The following CRYBG2 variants were observed in gnomAD, a reference collection of about 807,000 sequenced individuals.
The protein encoded by CRYBG2 is beta/gamma crystallin domain-containing protein 2.
Under a neutral mutation model 153.4 loss-of-function variants are expected in CRYBG2, and 106 were observed. The observed-to-expected ratio is 0.69, with a 90% confidence interval of 0.59 to 0.81. CRYBG2 has a LOEUF of 0.81. CRYBG2 is among the 30% of genes least tolerant of loss of function. The pLI is 0.00. For missense variants in CRYBG2, 1,996 were observed against 2,112.0 expected (o/e 0.95, Z 1.08); for synonymous variants, 851 against 877.8 (o/e 0.97, Z 0.54).
In CRYBG2 at chr1:26,324,302, A is replaced by C. The variant is rs769832095; in HGVS notation, c.4587T>G (p.Val1529=). 6.2e-7 allele frequency: 1 copy of C among 1,606,062 alleles called. No homozygotes were observed. The highest frequency in any genetic ancestry group is 8.5e-7 in the Non-Finnish European group (1 of 1,178,648). The change falls in exon 18 of 20, where the codon GTT becomes GTG. Residue 1529 remains valine, a synonymous_variant. Coordinates refer to ENST00000308182, the MANE Select transcript of CRYBG2 (RefSeq NM_001039775.4). ...GSLYPIKQRR[V]YFRLWNAALG... is the part of the protein sequence containing the mutation. ...GTGCTGCATTCCAGAGGCGGAAATAAACCCGGCGCTGGTGGCAGAAAGAGG... is the reference window on the plus strand; with the variant it reads ...GTGCTGCATTCCAGAGGCGGAAATACACCCGGCGCTGGTGGCAGAAAGAGG...
chr1:26,338,526 GAC>G (rs2074090785), intron 6 of CRYBG2, 49 bp from the exon 7 acceptor site: 1 of 1,521,518 alleles, frequency 6.6e-7, no homozygotes, highest in South Asian at 1.3e-5. Context: ...GACTTCAAGG[GAC>G]ACAGATTGGT....
At chr1:26,339,139 A>C in intron 6 of CRYBG2, 151 bp downstream of exon 6, 1 of 997,362 alleles carries the variant, frequency 1.0e-6, no homozygotes, top group South Asian at 1.7e-5. Flanking sequence ...TCACCCCAAA[A>C]CACTGAATTG....
chr1:26,327,121 G>C, intron 17 of CRYBG2: 1 of 311,250 alleles, frequency 3.2e-6, no homozygotes, highest in Non-Finnish European at 6.5e-6. Flanking sequence ...ATCACATGAG[G>C]TCAGGAGTTC....
chr1:26,337,409 G>T (rs539664416), intron 9 of CRYBG2, 30 bp from the exon 10 acceptor site: 12 of 1,610,390 alleles, frequency 7.5e-6, no homozygotes, highest in African/African-American at 4.0e-5. Flanking sequence ...AGACAGGCAG[G>T]TTCAGTCATA....
In CRYBG2 at chr1:26,346,348, G is replaced by A; in HGVS notation, c.310C>T (p.Pro104Ser). Residue 104 changes from proline to serine, a missense_variant, in exon 2 of 20, where the codon CCT (proline) becomes TCT (serine). Transcript: ENST00000308182. This position sits in a 1 kb window ranked among gnomAD's most constrained non-coding sequence, Gnocchi z 4.9. ...GPIFSKKYIP[P>S]PKEKRPEGRL... ...CCCTCAGGCCTTTTCTCCTTGGGAG[G>A]TGGTATGTACTTCTTGGAAAAGATG... The A allele has an allele frequency of 6.3e-7, 1 of 1,599,458 alleles. No individual in the cohort carries two copies. Among genetic ancestry groups the A allele is most frequent in the Non-Finnish European group, 8.5e-7 (1 of 1,179,770 alleles).
chr1:26,347,498 AT>A lies in CRYBG2; in HGVS notation c.-55-787del, dbSNP rs575802355. ...TATTTATTTTTATTTTTATTTATTT[AT>A]TTTTTTTGAGACAGAGTCTCGCTCT... On this transcript the variant is annotated intron_variant, in intron 1 of 19. Coordinates refer to ENST00000308182, the MANE Select transcript of CRYBG2 (RefSeq NM_001039775.4). Among the ~76,000 whole-genome samples, 257 of 146,138 alleles carry A rather than the reference AT, an allele frequency of 1.8e-3. 10 individuals carry two copies. In the South Asian group the frequency reaches 0.053, roughly 30 times the overall value.
At chr1:26,329,401 T>C (rs2073972313) in intron 15 of CRYBG2, among the ~76,000 whole-genome samples, 1 of 151,894 alleles carries the variant, frequency 6.6e-6, no homozygotes, top group African/African-American at 2.4e-5. Context: ...GGTCTCAAAC[T>C]CCTGACCTCA....
rs1455126687 is a variant in CRYBG2 at position 26,343,377 on chromosome 1, C to T, written c.2914-84G>A. The T allele has an allele frequency of 6.9e-7, 1 of 1,458,458 alleles. No homozygotes were observed. The highest frequency in any genetic ancestry group is 9.4e-7 in the Non-Finnish European group (1 of 1,064,160). 90.3% of individuals were successfully genotyped at this position (1,458,458 alleles called of 1,614,324 possible). On this transcript the variant is annotated intron_variant, in intron 2 of 19. Coordinates refer to ENST00000308182, the MANE Select transcript of CRYBG2 (RefSeq NM_001039775.4). The surrounding 1 kb of genome is among the most constrained non-coding windows in gnomAD (Gnocchi z 4.1). ...ACAACCCGCCATTCCAAGGATCCCA[C>T]ATCCTCCCTATTAACCTCCACCCGC...
intron 16 of CRYBG2, 184 bp from the exon 17 acceptor site, chr1:26,328,516 C>A: frequency 8.5e-7 from 1 of 1,169,672 alleles, no homozygotes. Context: ...TTGGGGTTTT[C>A]AGGGTAAAGA....
Position 26,336,031 on chromosome 1 carries a change from C to T in CRYBG2, c.4184+64G>A. 1 of 1,286,660 alleles carries T rather than the reference C, an allele frequency of 7.8e-7. No individual in the cohort carries two copies. The highest frequency in any genetic ancestry group is 2.8e-4 in the Middle Eastern group (1 of 3,630). The allele number at this position is 1,286,660 out of a possible 1,614,324, so 79.7% of individuals were successfully genotyped here. A position where few individuals can be genotyped will look rare whatever the true frequency, so the allele number is the denominator to read the frequency against. On this transcript the variant is annotated intron_variant, in intron 14 of 19. Coordinates refer to ENST00000308182, the MANE Select transcript of CRYBG2 (RefSeq NM_001039775.4). The surrounding 1 kb of genome is among the most constrained non-coding windows in gnomAD (Gnocchi z 4.9). ...CAAAGGAAGGAAATCATTTGAAAGA[C>T]TCTCCTCCTGCAGCCCCGCCTCTGC...
chr1:26,342,904 G>A, intron 4 of CRYBG2, 21 bp from the exon 5 acceptor site: 1 of 1,613,718 alleles, frequency 6.2e-7, no homozygotes, highest in Non-Finnish European at 8.5e-7. Flanking sequence ...AGAGATTCCA[G>A]GATCACAGAT....
rs540596133 is a variant in CRYBG2, at chr1:26,343,054, G to A, written c.3067C>T (p.Arg1023Ter). Residue 1023 changes from arginine (R) to a stop codon, truncating the protein, a stop_gained, in exon 4 of 20, where the codon CGA becomes TGA. Coordinates refer to ENST00000308182, the MANE Select transcript of CRYBG2 (RefSeq NM_001039775.4). LOFTEE classifies it high-confidence loss of function. This position sits in a 1 kb window ranked among gnomAD's most constrained non-coding sequence, Gnocchi z 4.1. ...TGGGCACTCCCCACTCACCAGCCTC[G>A]AACTACCCTTATGGAGGCTACGGGG... ...WAPVASIRVV[R>*]GCWVLYEEPE... The A allele has an allele frequency of 3.9e-6, 6 of 1,548,826 alleles. No homozygotes were observed. Among genetic ancestry groups the A allele is most frequent in the South Asian group, 2.4e-5 (2 of 84,172 alleles).
At chr1:26,351,488 C>A (rs1454750039) in intron 1 of CRYBG2, among the ~76,000 whole-genome samples, 1 of 152,140 alleles carries the variant, frequency 6.6e-6, no homozygotes, top group African/African-American at 2.4e-5. Context: ...AGCCAACTTT[C>A]TCATGAAAGG....
chr1:26,328,852 A>T lies in CRYBG2; in HGVS notation c.4336T>A (p.Phe1446Ile). The change falls in exon 16 of 20, where the codon TTC becomes ATC. Residue 1446 changes from phenylalanine to isoleucine, a missense_variant. Phe to Ile is a conservative substitution (Grantham distance 21, BLOSUM62 0). Coordinates refer to ENST00000308182, the MANE Select transcript of CRYBG2 (RefSeq NM_001039775.4). ...VSLHFSEPSI[F>I]LYGLECFEGK... is the part of the protein sequence containing the mutation. Reference sequence around the variant, plus strand: ...TCGAAGCACTCGAGTCCATACAGGAAAATGGAAGGCTCTGAAAAGTGCTGG... The same window carrying T: ...TCGAAGCACTCGAGTCCATACAGGATAATGGAAGGCTCTGAAAAGTGCTGG... The T allele has an allele frequency of 6.2e-7, 1 of 1,614,090 alleles. No homozygotes were observed. Among genetic ancestry groups the T allele is most frequent in the Non-Finnish European group, 8.5e-7 (1 of 1,180,026 alleles).
rs1247572023 is a variant in CRYBG2 at position 26,322,283 on chromosome 1, C to A, written c.4778G>T (p.Ser1593Ile). 8 of 1,613,870 alleles carry A rather than the reference C, an allele frequency of 5.0e-6. No individual in the cohort carries two copies. Among genetic ancestry groups the A allele is most frequent in the Non-Finnish European group, 6.8e-6 (8 of 1,180,004 alleles). ...CCACAGCACCACCTTGGAGCCTGGGCTAGGGGGTCCAATCACCTGTAGGCT... is the reference window on the plus strand; with the variant it reads ...CCACAGCACCACCTTGGAGCCTGGGATAGGGGGTCCAATCACCTGTAGGCT... ...TMSLQVIGPP[S>I]PGSKVVLWAE... The change falls in exon 19 of 20, where the codon AGC (serine) becomes ATC (isoleucine). Residue 1593 changes from serine (S) to isoleucine (I), a missense_variant. By Grantham distance (142) the Ser-to-Ile change is moderately radical. Transcript: ENST00000308182.
At chr1:26,322,993 C>T (rs1333218668) in intron 18 of CRYBG2, among the ~76,000 whole-genome samples, 4 of 152,162 alleles carry the variant, frequency 2.6e-5, no homozygotes, top group African/African-American at 9.7e-5. Context: ...CTGCCTGGAA[C>T]ACTCTTCCCT....
In CRYBG2 at chr1:26,336,893, CCA is replaced by C; in HGVS notation, c.3857_3858del (p.Val1286GlyfsTer41). ...GTGCTGGGGCCGTGTTGCACCAGCT[CCA>C]CATCCGGCAATGCCTTGCTCACCTC... is the stretch of plus-strand genomic sequence containing the variant. ...GVEVSKALPD[V>X]ELVQHGPSTQ... On this transcript the variant is annotated frameshift_variant, in exon 11 of 20. Transcript: ENST00000308182. LOFTEE classifies it high-confidence loss of function. This position sits in a 1 kb window ranked among gnomAD's most constrained non-coding sequence, Gnocchi z 4.9. The C allele has an allele frequency of 6.2e-7, 1 of 1,611,282 alleles. No homozygotes were observed. Among genetic ancestry groups the C allele is most frequent in the Non-Finnish European group, 8.5e-7 (1 of 1,178,904 alleles).
intron 1 of CRYBG2, among the ~76,000 whole-genome samples, chr1:26,350,674 A>T (rs904671204): frequency 6.6e-6 from 1 of 152,136 alleles, no homozygotes; most frequent in Non-Finnish European, 1.5e-5. Context: ...TTACATTTAC[A>T]GGGAGCCATG....
chr1:26,351,257 G>A (rs939464990), intron 1 of CRYBG2, among the ~76,000 whole-genome samples: 4 of 152,110 alleles, frequency 2.6e-5, no homozygotes, highest in Non-Finnish European at 5.9e-5. Flanking sequence ...CCTCCTCGCT[G>A]GGACTCTGCC....
Sources: gnomAD v4.1 joint callset for allele counts (sites outside exome capture counted in the v4.1 genomes callset) on GRCh38, gnomAD v4.1.1 for gene constraint, Gnocchi (gnomAD v3.1) non-coding constraint, MANE v1.5 for transcripts, NCBI Gene and HGNC (gene_info 2026-07-23, HGNC 2026-07-21) for gene names.